Variants in UPRT observed in about 807,000 individuals in gnomAD.
The protein encoded by UPRT is uracil phosphoribosyltransferase homolog.
UPRT carries 5 observed loss-of-function variants against 22.6 expected under a neutral mutation model. The ratio of observed to expected loss-of-function variants is 0.22; its 90% confidence interval spans 0.12 to 0.47. The LOEUF is 0.47. Ranked by LOEUF, UPRT falls within the 20% of genes least tolerant of loss-of-function variation. UPRT has a pLI of 0.99. For synonymous variants in UPRT, 77 were observed against 87.7 expected, an observed-to-expected ratio of 0.88 and a Z score of 0.68; for missense variants, 181 against 239.9, an observed-to-expected ratio of 0.75 and a Z score of 1.62.
chrX:75,175,932 C>T (rs766279822), intron 4 of UPRT, among the ~76,000 whole-genome samples: 1 of 111,151 alleles, frequency 9.0e-6, no homozygotes, highest in South Asian at 3.9e-4. Flanking sequence ...AATAATGCCT[C>T]TAGATTTTGT....
intron 4 of UPRT, among the ~76,000 whole-genome samples, chrX:75,179,640 C>A (rs1204703795): frequency 8.8e-6 from 1 of 113,433 alleles, no homozygotes; most frequent in Non-Finnish European, 1.9e-5. Flanking sequence ...GCATGGCAGA[C>A]TGCAGGTCCT....
intron 4 of UPRT, among the ~76,000 whole-genome samples, chrX:75,176,462 A>G (rs1361283587): frequency 4.5e-5 from 5 of 111,652 alleles, no homozygotes; most frequent in Admixed American, 9.5e-5. Context: ...TAGGACATCT[A>G]TGTACCTATC....
chrX:75,274,165 C>T lies in UPRT; in HGVS notation c.-90C>T. On this transcript the variant is annotated 5_prime_UTR_variant, in exon 1 of 7. Coordinates refer to ENST00000373383, the MANE Select transcript of UPRT (RefSeq NM_145052.4). Reference sequence around the variant, plus strand: ...AGATGTTCTGAGGAGGCGGGAGCAACCGAGAGAGCACGTGAGCATCTGTCC... The same window carrying T: ...AGATGTTCTGAGGAGGCGGGAGCAATCGAGAGAGCACGTGAGCATCTGTCC... 1 of 1,124,860 alleles carries T rather than the reference C, an allele frequency of 8.9e-7. No homozygotes were observed. Among genetic ancestry groups the T allele is most frequent in the Non-Finnish European group, 1.2e-6 (1 of 850,136 alleles). 92.7% of individuals were successfully genotyped at this position (1,124,860 alleles called of 1,213,427 possible). A position where few individuals can be genotyped will look rare whatever the true frequency, so the allele number is the denominator to read the frequency against.
intron 4 of UPRT, among the ~76,000 whole-genome samples, chrX:75,187,998 C>T (rs1010651211): frequency 7.1e-5 from 8 of 112,002 alleles, no homozygotes; most frequent in African/African-American, 1.9e-4. Flanking sequence ...GTAATTTGAT[C>T]GTCTGAAGCC....
intron 4 of UPRT, among the ~76,000 whole-genome samples, chrX:75,174,218 C>T (rs1360722479): frequency 8.9e-6 from 1 of 112,085 alleles, no homozygotes; most frequent in African/African-American, 3.2e-5. Flanking sequence ...CCAATGACCG[C>T]TCTAGCTACC....
At chrX:75,222,197 C>T (rs2082412079) in intron 4 of UPRT, among the ~76,000 whole-genome samples, 1 of 112,042 alleles carries the variant, frequency 8.9e-6, no homozygotes, top group Non-Finnish European at 1.9e-5. Context: ...GTCTCTCCCC[C>T]TGTGCTAAGC....
intron 2 of UPRT, among the ~76,000 whole-genome samples, chrX:75,162,576 G>T (rs1168824383): frequency 9.0e-6 from 1 of 111,442 alleles, no homozygotes; most frequent in Admixed American, 9.5e-5. Context: ...TTACAAAGGG[G>T]TGGATAGGCT....
intron 4 of UPRT, among the ~76,000 whole-genome samples, chrX:75,258,875 G>A (rs2082558429): frequency 9.0e-6 from 1 of 111,544 alleles, no homozygotes; most frequent in African/African-American, 3.3e-5. Flanking sequence ...GAGAGCTCTG[G>A]CTGACATCTG....
chrX:75,204,297 G>A (rs1364451530), intron 4 of UPRT, among the ~76,000 whole-genome samples: 2 of 111,483 alleles, frequency 1.8e-5, no homozygotes, highest in African/African-American at 6.5e-5. Context: ...ATGTGGAGGA[G>A]GAGGAAATAG....
chrX:75,193,302 C>T (rs1237860481), intron 4 of UPRT, among the ~76,000 whole-genome samples: 1 of 112,423 alleles, frequency 8.9e-6, no homozygotes, highest in Non-Finnish European at 1.9e-5. Context: ...CCAATCTCTT[C>T]TGGCTCTGTA....
chrX:75,266,793 T>C (rs1164434904), intron 4 of UPRT, among the ~76,000 whole-genome samples: 5 of 111,260 alleles, frequency 4.5e-5, no homozygotes, highest in Non-Finnish European at 7.6e-5. Flanking sequence ...GAACAGACAC[T>C]TCTCAAAAGA....
intron 4 of UPRT, among the ~76,000 whole-genome samples, chrX:75,235,467 G>A (rs142104224): frequency 0.15 from 16,167 of 110,997 alleles, 1,800 homozygotes; most frequent in East Asian, 0.91. Flanking sequence ...TACCAAAGCC[G>A]GGCAGGGACA....
chrX:75,162,247 C>T (rs2082202391), intron 2 of UPRT, among the ~76,000 whole-genome samples: 2 of 110,338 alleles, frequency 1.8e-5, no homozygotes, highest in Non-Finnish European at 3.8e-5. Flanking sequence ...CCACCACGCC[C>T]AGCAGGTATA....
intron 1 of UPRT, among the ~76,000 whole-genome samples, chrX:75,292,655 T>C (rs1285708235): frequency 8.9e-6 from 1 of 111,859 alleles, no homozygotes; most frequent in Non-Finnish European, 1.9e-5. Flanking sequence ...GGTTTTTAAG[T>C]ACATAAGCTG....
intron 1 of UPRT, among the ~76,000 whole-genome samples, chrX:75,285,028 AG>A (rs2082674315): frequency 9.0e-6 from 1 of 110,546 alleles, no homozygotes; most frequent in African/African-American, 3.3e-5. Context: ...TTGTGTACCT[AG>A]GAGGATTATG....
At chrX:75,172,449 A>C (rs1199239549) in intron 4 of UPRT, among the ~76,000 whole-genome samples, 1 of 111,728 alleles carries the variant, frequency 9.0e-6, no homozygotes, top group Non-Finnish European at 1.9e-5. Flanking sequence ...CCCCAACAGC[A>C]CCAAGTTTGT....
intron 4 of UPRT, among the ~76,000 whole-genome samples, chrX:75,253,944 T>G (rs1181419383): frequency 9.0e-6 from 1 of 111,395 alleles, no homozygotes; most frequent in Admixed American, 9.6e-5. Context: ...GCAACCCATC[T>G]CTGCCTGGCC....
chrX:75,186,109 A>G (rs2082289714), intron 4 of UPRT, among the ~76,000 whole-genome samples: 1 of 109,754 alleles, frequency 9.1e-6, no homozygotes, highest in South Asian at 3.9e-4. Context: ...TTTAATTGTG[A>G]TGTTAGGGTG....
intron 4 of UPRT, among the ~76,000 whole-genome samples, chrX:75,171,347 T>C (rs1299487121): frequency 8.9e-6 from 1 of 111,794 alleles, no homozygotes; most frequent in Non-Finnish European, 1.9e-5. Context: ...TTCTTTCTTT[T>C]GCTTGTTCGA....
Sources: allele counts gnomAD v4.1 joint callset (sites outside exome capture counted in the v4.1 genomes callset), GRCh38; gene constraint gnomAD v4.1.1; transcripts MANE v1.5; gene names NCBI Gene and HGNC (gene_info 2026-07-23, HGNC 2026-07-21).